Variants in ERCC8 observed in about 807,000 individuals in gnomAD.
The protein encoded by ERCC8 is ERCC excision repair 8, CSA ubiquitin ligase complex subunit.
In ERCC8, 52 loss-of-function variants were observed where a neutral mutation model predicts 54.9. The observed-to-expected ratio is 0.95, with a 90% CI of 0.76 to 1.19. ERCC8 has a LOEUF of 1.19. Ranked by LOEUF, ERCC8 falls within the 50% of genes most tolerant of loss-of-function variation. ERCC8 has a pLI of 0.00. For missense variants in ERCC8, 514 were observed against 466.1 expected (o/e 1.10, Z -0.95); for synonymous variants, 146 against 157.2 (o/e 0.93, Z 0.53).
intron 3 of ERCC8, chr5:60,918,615 T>G (rs532159634): frequency 3.9e-6 from 2 of 518,080 alleles, no homozygotes; most frequent in Non-Finnish European, 7.0e-6. Context: ...AGGGTCACAA[T>G]GTGAAAGATT....
intron 9 of ERCC8, among the ~76,000 whole-genome samples, chr5:60,897,826 G>T (rs1332319054): frequency 6.6e-6 from 1 of 152,112 alleles, no homozygotes; most frequent in Non-Finnish European, 1.5e-5. Context: ...TCCCTAATCT[G>T]AATATTCAAA....
chr5:60,887,579 G>T, intron 10 of ERCC8, 59 bp from the exon 11 acceptor site: 1 of 1,216,120 alleles, frequency 8.2e-7, no homozygotes, highest in South Asian at 1.2e-5. Context: ...AAACTGAAAT[G>T]AATTATATCA....
At chr5:60,924,372 T>C (rs148481406) in intron 2 of ERCC8, 1 of 154,168 alleles carries the variant, frequency 6.5e-6, no homozygotes, top group Non-Finnish European at 1.5e-5. Flanking sequence ...GAATGGCTAA[T>C]GAGAACAACA....
chr5:60,914,595 G>A (rs79845929), intron 4 of ERCC8, among the ~76,000 whole-genome samples: 7,766 of 151,768 alleles, frequency 0.051, 256 homozygotes, highest in South Asian at 0.097. Flanking sequence ...TTTGACACCA[G>A]CCTGGGCAAG....
intron 11 of ERCC8, among the ~76,000 whole-genome samples, chr5:60,878,140 T>C (rs1748075434): frequency 6.6e-6 from 1 of 152,216 alleles, no homozygotes; most frequent in East Asian, 1.9e-4. Context: ...ATTTGGTTTT[T>C]GTCATTGGTT....
chr5:60,922,868 T>C (rs995830540), intron 2 of ERCC8, among the ~76,000 whole-genome samples: 3 of 152,130 alleles, frequency 2.0e-5, no homozygotes, highest in Non-Finnish European at 4.4e-5. Flanking sequence ...TTAGTTATGA[T>C]TGGGATCACT....
intron 1 of ERCC8, among the ~76,000 whole-genome samples, chr5:60,941,090 G>C (rs1444261881): frequency 6.6e-6 from 1 of 152,122 alleles, no homozygotes; most frequent in Non-Finnish European, 1.5e-5. Context: ...CTGAGGCAGG[G>C]GGACTGCTTC....
At chr5:60,938,044 CATACATAT>C (rs1433538433) in intron 1 of ERCC8, among the ~76,000 whole-genome samples, 973 of 16,394 alleles carry the variant, frequency 0.059, 5 homozygotes, top group Non-Finnish European at 0.072. Flanking sequence ...TACATACATA[CATACATAT>C]ATATATATAT....
intron 11 of ERCC8, among the ~76,000 whole-genome samples, chr5:60,884,009 G>A (rs1748320596): frequency 6.6e-6 from 1 of 152,176 alleles, no homozygotes; most frequent in Non-Finnish European, 1.5e-5. Flanking sequence ...ACCCCTAAGG[G>A]ATTACATCTT....
chr5:60,902,084 A>C (rs1291681278), intron 7 of ERCC8, among the ~76,000 whole-genome samples: 2 of 152,088 alleles, frequency 1.3e-5, no homozygotes, highest in African/African-American at 4.8e-5. Flanking sequence ...TAGAAAATTG[A>C]ATCAATGAAT....
At chr5:60,920,104 G>A (rs982551054) in intron 3 of ERCC8, among the ~76,000 whole-genome samples, 5 of 151,936 alleles carry the variant, frequency 3.3e-5, no homozygotes, top group Admixed American at 6.6e-5. Flanking sequence ...GAGAGTCTGC[G>A]TTGGTGACAT....
intron 4 of ERCC8, among the ~76,000 whole-genome samples, chr5:60,906,290 C>T (rs764773120): frequency 9.2e-5 from 14 of 152,060 alleles, no homozygotes; most frequent in Non-Finnish European, 1.5e-4. Context: ...CCCTCCTTGG[C>T]TTCCCAAAGT....
chr5:60,886,314 A>C (rs1420746015), intron 11 of ERCC8, among the ~76,000 whole-genome samples: 1 of 152,140 alleles, frequency 6.6e-6, no homozygotes, highest in African/African-American at 2.4e-5. Context: ...CTTTATTTAC[A>C]CTGTCATGCT....
intron 4 of ERCC8, chr5:60,907,361 T>TTTTC (rs1422221905): frequency 2.0e-5 from 3 of 150,672 alleles, no homozygotes; most frequent in African/African-American, 7.3e-5. Flanking sequence ...GATTCTTTTT[T>TTTTC]TTTTTTTTTT....
intron 4 of ERCC8, among the ~76,000 whole-genome samples, chr5:60,911,014 G>T (rs999173326): frequency 6.6e-6 from 1 of 151,862 alleles, no homozygotes; most frequent in African/African-American, 2.4e-5. Flanking sequence ...TCAAATTAAG[G>T]AATTTCTCTT....
rs543177784 is a variant in ERCC8, at chr5:60,870,693, T to G, written c.*3922A>C. On this transcript the variant is annotated 3_prime_UTR_variant, in exon 12 of 12. Transcript: ENST00000676185. ...AAAAAAGGGAAGAAAGGAAGAAACA[T>G]AGAGAGGTCAGTTACATGCAATTTT... Among the ~76,000 whole-genome samples, 3 of 147,176 alleles carry G rather than the reference T, an allele frequency of 2.0e-5. No individual in the cohort carries two copies. Among genetic ancestry groups the G allele is most frequent in the South Asian group, 2.2e-4 (1 of 4,648 alleles).
At chr5:60,926,800 G>A (rs530176676) in intron 2 of ERCC8, among the ~76,000 whole-genome samples, 3 of 152,132 alleles carry the variant, frequency 2.0e-5, no homozygotes, top group Non-Finnish European at 2.9e-5. Flanking sequence ...CCATACAGAT[G>A]TATTATCAAT....
chr5:60,936,541 G>A (rs1389843780), intron 1 of ERCC8, among the ~76,000 whole-genome samples: 1 of 151,870 alleles, frequency 6.6e-6, no homozygotes, highest in Non-Finnish European at 1.5e-5. Context: ...CTCTGATCTT[G>A]GTTATTTTTT....
rs4647100 is a variant in ERCC8 at position 60,904,838 on chromosome 5, A to G, written c.435T>C (p.Tyr145=). The G allele has an allele frequency of 0.24, 382,113 of 1,587,156 alleles. 50,035 individuals are homozygous for G. The highest frequency in any genetic ancestry group is 0.27 in the Non-Finnish European group (308,951 of 1,156,498). Residue 145 remains tyrosine (Y), a synonymous_variant, in exon 5 of 12, where the codon TAT becomes TAC. Coordinates refer to ENST00000676185, the MANE Select transcript of ERCC8 (RefSeq NM_000082.4). ...TGGAGACTGGAGACATATGATGACT[A>G]TAAACTGTTTCCTCAAAATTAAATA... ...ADVFNFEETV[Y]SHHMSPVSTK... is the part of the protein sequence containing the mutation.
Sources: gnomAD v4.1 joint callset for allele counts (sites outside exome capture counted in the v4.1 genomes callset) on GRCh38, gnomAD v4.1.1 for gene constraint, MANE v1.5 for transcripts, NCBI Gene and HGNC (gene_info 2026-07-23, HGNC 2026-07-21) for gene names.